HECTD4: variants seen among roughly 807,000 people sequenced by gnomAD.
The protein encoded by HECTD4 is probable E3 ubiquitin-protein ligase HECTD4.
A neutral mutation model predicts 471.5 loss-of-function variants in HECTD4; 114 were observed. The ratio of observed to expected loss-of-function variants is 0.24; its 90% CI spans 0.21 to 0.28. The LOEUF is 0.28. Among genes scored for constraint, HECTD4 ranks in the 10% least tolerant of loss-of-function variants. The probability of loss-of-function intolerance (pLI) is 1.00; values close to 1 mark genes in which losing one functional copy is unlikely to be tolerated. For missense variants in HECTD4, 3,866 were observed against 5,651.5 expected (o/e 0.68, Z 10.13); for synonymous variants, 2,012 against 2,256.0 (o/e 0.89, Z 3.07).
rs561805261 is a variant in HECTD4 at position 112,268,868 on chromosome 12, GTTTTTTTTTTT to G, written c.2321+825_2321+835del. ...AAATTCTGCTCTCTTGTCTGAAAAGGTTTTTTTTTTTTTTTTTTTTTTTTGAGGCGGAGTTT... is the reference window on the plus strand; with the variant it reads ...AAATTCTGCTCTCTTGTCTGAAAAGGTTTTTTTTTTTTTGAGGCGGAGTTT... On this transcript the variant is annotated intron_variant, in intron 13 of 75. Transcript: ENST00000682272. Among the ~76,000 whole-genome samples the G allele has an allele frequency of 1.5e-4, 10 of 65,848 alleles. 1 individual carries two copies. The highest frequency in any genetic ancestry group is 7.1e-4 in the Admixed American group (3 of 4,204). The allele number at this position is 65,848 out of a possible 152,430, so 43.2% of individuals were successfully genotyped here.
intron 7 of HECTD4, among the ~76,000 whole-genome samples, chr12:112,291,907 T>C (rs2034896699): frequency 6.6e-6 from 1 of 152,114 alleles, no homozygotes; most frequent in Admixed American, 6.5e-5. Context: ...CAGTTGGCAA[T>C]TGGTTTGTTT....
chr12:112,305,130 C>T (rs1354365094), intron 7 of HECTD4, among the ~76,000 whole-genome samples: 4 of 152,158 alleles, frequency 2.6e-5, no homozygotes, highest in South Asian at 4.1e-4. Context: ...TGCTGTTCAA[C>T]GAAGAAGCCA....
chr12:112,292,056 A>G (rs556948127), intron 7 of HECTD4, among the ~76,000 whole-genome samples: 1 of 152,188 alleles, frequency 6.6e-6, no homozygotes, highest in East Asian at 1.9e-4. Flanking sequence ...CTGCTCAACA[A>G]TTTCCAGGAG....
intron 13 of HECTD4, among the ~76,000 whole-genome samples, chr12:112,268,802 CAA>C (rs558066365): frequency 3.8e-5 from 4 of 106,474 alleles, no homozygotes; most frequent in East Asian, 2.3e-4. Context: ...AAAAACAAAC[CAA>C]AAAAAAAAAA....
At chr12:112,286,501 C>A (rs1324440012) in intron 7 of HECTD4, among the ~76,000 whole-genome samples, 1 of 152,034 alleles carries the variant, frequency 6.6e-6, no homozygotes, top group African/African-American at 2.4e-5. Flanking sequence ...TAGTTTGAGA[C>A]CAACCTGTCT....
chr12:112,208,447 C>T (rs775552909), intron 51 of HECTD4, 47 bp downstream of exon 51: 1 of 1,496,732 alleles, frequency 6.7e-7, no homozygotes, highest in Non-Finnish European at 8.9e-7. Context: ...CACTAGGGAG[C>T]TAAGCAAATG....
chr12:112,259,389 C>T, intron 18 of HECTD4, 124 bp from the exon 19 acceptor site: 1 of 921,864 alleles, frequency 1.1e-6, no homozygotes, highest in African/African-American at 1.7e-5. Context: ...TAAGCACTTT[C>T]AGCGATAGCA....
chr12:112,195,213 G>T, intron 55 of HECTD4, 147 bp from the exon 56 acceptor site: 1 of 628,136 alleles, frequency 1.6e-6, no homozygotes, highest in Non-Finnish European at 2.6e-6. Context: ...AGTCACTTGA[G>T]TTTTAAACAA....
At chr12:112,191,897 T>TCTGGCAAACACGCGTCAGTCTTTTC (rs2032092493) in intron 59 of HECTD4, among the ~76,000 whole-genome samples, 1 of 152,234 alleles carries the variant, frequency 6.6e-6, no homozygotes, top group Non-Finnish European at 1.5e-5. Context: ...GTTTTCTGTC[T>TCTGGCAAACACGCGTCAGTCTTTTC]CTGGCAAACA....
In HECTD4 at chr12:112,319,597, G is replaced by C; in HGVS notation, c.323C>G (p.Ala108Gly). 7.0e-7 allele frequency: 1 copy of C among 1,423,944 alleles called. No individual in the cohort carries two copies. Among genetic ancestry groups the C allele is most frequent in the Non-Finnish European group, 9.1e-7 (1 of 1,093,592 alleles). The allele number at this position is 1,423,944 out of a possible 1,614,324, so 88.2% of individuals were successfully genotyped here. ...TTCCCTTTCATGCTGTTCTTCTAAG[G>C]CCAGCTGGCGCTGGGCATTCCACAG... ...RGLWNAQRQL[A>G]LEEQHERESS... Residue 108 changes from alanine to glycine, a missense_variant, in exon 2 of 76, where the codon GCC (alanine) becomes GGC (glycine). By Grantham distance (60) the Ala-to-Gly change is moderately conservative. Around this residue, in one of 16 missense-constraint regions of HECTD4, gnomAD observed 440 missense variants for 636.0 expected, o/e 0.69. Transcript: ENST00000682272. This position sits in a 1 kb window ranked among gnomAD's most constrained non-coding sequence, Gnocchi z 5.3.
chr12:112,237,577 G>A (rs1316605247), intron 34 of HECTD4, among the ~76,000 whole-genome samples: 2 of 152,122 alleles, frequency 1.3e-5, no homozygotes, highest in East Asian at 1.9e-4. Context: ...TGTTCTGCTC[G>A]AAAGTATTCT....
intron 7 of HECTD4, among the ~76,000 whole-genome samples, chr12:112,291,487 G>C (rs1165689762): frequency 6.6e-6 from 1 of 152,004 alleles, no homozygotes; most frequent in East Asian, 1.9e-4. Context: ...TATAATCCTA[G>C]CACTTTGGGA....
intron 1 of HECTD4, among the ~76,000 whole-genome samples, chr12:112,335,296 G>A (rs964463360): frequency 1.3e-5 from 2 of 152,152 alleles, no homozygotes; most frequent in African/African-American, 4.8e-5. Flanking sequence ...ACCAAACATC[G>A]TATGTTCTCA....
In HECTD4 at chr12:112,256,442, C is replaced by A; in HGVS notation, c.3205G>T (p.Val1069Leu). 1 of 1,612,534 alleles carries A rather than the reference C, an allele frequency of 6.2e-7. No homozygotes were observed. Among genetic ancestry groups the A allele is most frequent in the Non-Finnish European group, 8.5e-7 (1 of 1,179,224 alleles). ...IPAPWAAGKTVETVHPVRDNY... is the reference protein window; with the variant it reads ...IPAPWAAGKTLETVHPVRDNY... Reference sequence around the variant, plus strand: ...TCTCTGACGGGGTGGACTGTTTCCACAGTCTTTCCAGCAGCCCATGGGGCA... The same window carrying A: ...TCTCTGACGGGGTGGACTGTTTCCAAAGTCTTTCCAGCAGCCCATGGGGCA... The change falls in exon 21 of 76, where the codon GTG (valine) becomes TTG (leucine). Residue 1069 changes from valine to leucine, a missense_variant. This residue lies in a region of HECTD4 where 525 missense variants were observed against 672.6 expected (regional missense o/e 0.78). Coordinates refer to ENST00000682272, the MANE Select transcript of HECTD4 (RefSeq NM_001388303.1).
intron 55 of HECTD4, among the ~76,000 whole-genome samples, chr12:112,196,985 G>A (rs1013808603): frequency 2.6e-5 from 4 of 152,002 alleles, no homozygotes; most frequent in East Asian, 1.9e-4. Context: ...TAGTAGAGAC[G>A]GGGCCTTACC....
chr12:112,184,994 CGAG>C lies in HECTD4; in HGVS notation c.9969_9971del (p.Ser3325del). On this transcript the variant is annotated inframe_deletion, in exon 61 of 76. Coordinates refer to ENST00000682272, the MANE Select transcript of HECTD4 (RefSeq NM_001388303.1). The surrounding 1 kb of genome is among the most constrained non-coding windows in gnomAD (Gnocchi z 9.1). ...TGCGGGAAGACTGGCGCTTGCCCGA[CGAG>C]GAGGCCTTTTCCCGCTTCATCTTGA... 1 of 1,611,704 alleles carries C rather than the reference CGAG, an allele frequency of 6.2e-7. No individual in the cohort carries two copies. Among genetic ancestry groups the C allele is most frequent in the Non-Finnish European group, 8.5e-7 (1 of 1,178,988 alleles).
intron 9 of HECTD4, among the ~76,000 whole-genome samples, chr12:112,275,743 A>G (rs1384209254): frequency 6.6e-6 from 1 of 152,112 alleles, no homozygotes; most frequent in African/African-American, 2.4e-5. Flanking sequence ...TCACCCTAGT[A>G]GCCCAGATCC....
intron 29 of HECTD4, among the ~76,000 whole-genome samples, chr12:112,246,410 G>C (rs2033762219): frequency 6.6e-6 from 1 of 152,082 alleles, no homozygotes. Context: ...AAGGTGGGCG[G>C]ATCACCAGAG....
At chr12:112,283,822 T>C (rs1177658995) in intron 7 of HECTD4, among the ~76,000 whole-genome samples, 2 of 152,230 alleles carry the variant, frequency 1.3e-5, no homozygotes, top group Non-Finnish European at 2.9e-5. Context: ...AACTGGATCT[T>C]TGCTGGTGCT....
Sources: gnomAD v4.1 joint callset for allele counts (sites outside exome capture counted in the v4.1 genomes callset) on GRCh38, gnomAD v4.1.1 for gene constraint, gnomAD v4.1.1 regional missense constraint, Gnocchi (gnomAD v3.1) non-coding constraint, MANE v1.5 for transcripts, NCBI Gene and HGNC (gene_info 2026-07-23, HGNC 2026-07-21) for gene names.